DPF2: variants seen among roughly 807,000 people sequenced by gnomAD.
The protein encoded by DPF2 is double PHD fingers 2, also known as zinc finger protein ubi-d4.
DPF2 carries 10 observed loss-of-function variants against 59.6 expected under a neutral mutation model. The ratio of observed to expected loss-of-function variants is 0.17; its 90% CI spans 0.10 to 0.28. The LOEUF is 0.28. DPF2 is among the 10% of genes least tolerant of loss of function. The pLI is 1.00. For synonymous variants in DPF2, 189 were observed against 190.6 expected (o/e 0.99, Z 0.07); for missense variants, 315 against 509.4 (o/e 0.62, Z 3.67).
rs547060405 is a variant in DPF2 at position 65,351,976 on chromosome 11, CT to C, written c.*218del. 3.1e-4 allele frequency: 184 copies of C among 588,018 alleles called. 1 individual carries two copies. In the East Asian group the frequency reaches 4.8e-3, roughly 15 times the overall value. 36.4% of individuals were successfully genotyped at this position (588,018 alleles called of 1,614,324 possible). ...GGGAGAAAGGAGCAACACACTGCCC[CT>C]AGGCGTGCGTGTGGCCCAGTTTCTC... is the stretch of plus-strand genomic sequence containing the variant. On this transcript the variant is annotated 3_prime_UTR_variant, in exon 11 of 11. Transcript: ENST00000528416.
intron 1 of DPF2, among the ~76,000 whole-genome samples, chr11:65,337,505 A>ATATATAGG (rs1854224623): frequency 2.3e-5 from 1 of 44,232 alleles, no homozygotes; most frequent in Non-Finnish European, 4.2e-5. Context: ...ATATATATAT[A>ATATATAGG]GAGAGAGAGA....
At chr11:65,340,882 G>C (rs536494688) in intron 2 of DPF2, 84 bp from the exon 3 acceptor site, 3 of 1,354,208 alleles carry the variant, frequency 2.2e-6, no homozygotes, top group Non-Finnish European at 3.1e-6. Flanking sequence ...GAACTCAAAG[G>C]GGGGCCTACT....
chr11:65,339,245 A>C (rs1436846363), intron 1 of DPF2, among the ~76,000 whole-genome samples: 1 of 151,616 alleles, frequency 6.6e-6, no homozygotes, highest in Admixed American at 6.6e-5. Context: ...TGTCTCTTAA[A>C]AAAAAAAAAA....
intron 9 of DPF2, chr11:65,346,671 G>T: frequency 4.1e-6 from 1 of 244,038 alleles, no homozygotes; most frequent in Non-Finnish European, 7.9e-6. Flanking sequence ...AATGTGCCAT[G>T]AAAAAAACGA....
At chr11:65,345,029 C>T in intron 6 of DPF2, 1 of 214,038 alleles carries the variant, frequency 4.7e-6, no homozygotes, top group East Asian at 1.1e-4. Context: ...TATTACTTCT[C>T]AAGATGACAA....
At chr11:65,348,793 T>G in intron 9 of DPF2, 57 bp from the exon 10 acceptor site, 1 of 1,573,114 alleles carries the variant, frequency 6.4e-7, no homozygotes, top group Admixed American at 1.7e-5. Context: ...TGTCCTGTAG[T>G]GGCCTGAGGC....
chr11:65,345,302 C>T, intron 6 of DPF2: 1 of 214,112 alleles, frequency 4.7e-6, no homozygotes, highest in Non-Finnish European at 9.4e-6. Flanking sequence ...TCCTGCCACC[C>T]CAAAGATATA....
intron 4 of DPF2, chr11:65,343,483 T>C: frequency 2.1e-6 from 1 of 487,082 alleles, no homozygotes; most frequent in Non-Finnish European, 3.7e-6. Flanking sequence ...GGAAGCATGC[T>C]ATTTGATTTG....
chr11:65,351,224 AT>A (rs1011616870), intron 10 of DPF2, among the ~76,000 whole-genome samples: 1 of 152,204 alleles, frequency 6.6e-6, no homozygotes, highest in African/African-American at 2.4e-5. Flanking sequence ...TTAAGGACTA[AT>A]TTTATTCAAA....
At chr11:65,341,149 G>C in intron 3 of DPF2, 76 bp downstream of exon 3, 2 of 1,483,470 alleles carry the variant, frequency 1.3e-6, no homozygotes, top group Non-Finnish European at 1.9e-6. Context: ...GATATACCAG[G>C]CCCAGTACTA....
chr11:65,343,570 T>C (rs1264327105), intron 4 of DPF2, 175 bp from the exon 5 acceptor site: 5 of 611,380 alleles, frequency 8.2e-6, no homozygotes, highest in Middle Eastern at 4.3e-4. Flanking sequence ...TCCCAAAGTA[T>C]GGAAGGGAGC....
chr11:65,345,909 C>T lies in DPF2; in HGVS notation c.776-21C>T, dbSNP rs1181585848. The T allele has an allele frequency of 4.3e-6, 7 of 1,613,782 alleles. No homozygotes were observed. In the African/African-American group the frequency reaches 9.3e-5, roughly 22 times the overall value. On this transcript the variant is annotated intron_variant, in intron 7 of 10. Transcript: ENST00000528416. ...GCTCAGGGACCCCCATGGGTGTCATCAAAACTCTTTCTCTCTGTAGCCAAA... is the reference window on the plus strand; with the variant it reads ...GCTCAGGGACCCCCATGGGTGTCATTAAAACTCTTTCTCTCTGTAGCCAAA...
chr11:65,333,982 C>G, intron 1 of DPF2, 64 bp downstream of exon 1: 141 of 1,258,868 alleles, frequency 1.1e-4, no homozygotes, highest in Non-Finnish European at 1.5e-4. Flanking sequence ...GAGTAGGGGG[C>G]GGTGGGGGAA....
chr11:65,347,021 C>CT (rs1309098680), intron 9 of DPF2: 41 of 146,962 alleles, frequency 2.8e-4, no homozygotes, highest in Non-Finnish European at 3.0e-4. Context: ...TATTTATTTA[C>CT]TTTTTTTTTT....
In DPF2 at chr11:65,353,771, C is replaced by T. The variant is rs1364991135; in HGVS notation, c.*2012C>T. Among the ~76,000 whole-genome samples, 3 of 152,156 alleles carry T rather than the reference C, an allele frequency of 2.0e-5. No homozygotes were observed. Among genetic ancestry groups the T allele is most frequent in the East Asian group, 1.9e-4 (1 of 5,204 alleles). Reference sequence around the variant, plus strand: ...CCTATGGGAAGCCTAGGCCGGCCTGCACTGTTATGTTCAATAAATAAGCAG... The same window carrying T: ...CCTATGGGAAGCCTAGGCCGGCCTGTACTGTTATGTTCAATAAATAAGCAG... On this transcript the variant is annotated 3_prime_UTR_variant, in exon 11 of 11. Transcript: ENST00000528416.
intron 10 of DPF2, 31 bp downstream of exon 10, chr11:65,348,962 A>G (rs1242198604): frequency 1.7e-5 from 27 of 1,605,384 alleles, no homozygotes; most frequent in Non-Finnish European, 2.1e-5. Context: ...ACTCAGAACA[A>G]TTACTTTATT....
rs1419540526 is a variant in DPF2 at position 65,348,831 on chromosome 11, TC to T, written c.1018-16del. 6.2e-7 allele frequency: 1 copy of T among 1,613,918 alleles called. No homozygotes were observed. The highest frequency in any genetic ancestry group is 1.7e-5 in the Admixed American group (1 of 60,000). On this transcript the variant is annotated intron_variant, in intron 9 of 10. Coordinates refer to ENST00000528416, the MANE Select transcript of DPF2 (RefSeq NM_006268.5). ...ATCAGTTATTCAGTCCCCATCCTCTTCCCTCTTGCCTACTTCAGGACCAGTT... is the reference window on the plus strand; with the variant it reads ...ATCAGTTATTCAGTCCCCATCCTCTTCCTCTTGCCTACTTCAGGACCAGTT...
At chr11:65,339,437 A>G (rs759378527) in intron 1 of DPF2, among the ~76,000 whole-genome samples, 4 of 152,150 alleles carry the variant, frequency 2.6e-5, no homozygotes, top group Non-Finnish European at 4.4e-5. Flanking sequence ...CAGATTTCAA[A>G]TTGAGTCTTT....
rs118143837 is a variant in DPF2, at chr11:65,350,839, C to T, written c.1100-844C>T. On this transcript the variant is annotated intron_variant, in intron 10 of 10. Transcript: ENST00000528416. Reference sequence around the variant, plus strand: ...ACTAAAAATAGAGAAATTAGCTGGGCGTGGTGCTGTGCGCTTGTAATCTCA... The same window carrying T: ...ACTAAAAATAGAGAAATTAGCTGGGTGTGGTGCTGTGCGCTTGTAATCTCA... Among the ~76,000 whole-genome samples, 959 of 151,702 alleles carry T rather than the reference C, an allele frequency of 6.3e-3. 5 individuals are homozygous for T. Among genetic ancestry groups the T allele is most frequent in the Non-Finnish European group, 9.5e-3 (645 of 67,898 alleles).
Sources: gnomAD v4.1 joint callset for allele counts (sites outside exome capture counted in the v4.1 genomes callset) on GRCh38, gnomAD v4.1.1 for gene constraint, MANE v1.5 for transcripts, NCBI Gene and HGNC (gene_info 2026-07-23, HGNC 2026-07-21) for gene names.